Variants in ARHGEF19 observed in about 807,000 individuals in gnomAD.
The protein encoded by ARHGEF19 is Rho guanine nucleotide exchange factor (GEF) 19.
A neutral mutation model predicts 87.6 loss-of-function variants in ARHGEF19; 92 were observed. The ratio of observed to expected loss-of-function variants is 1.05; its 90% CI spans 0.89 to 1.25. The LOEUF (loss-of-function observed/expected upper bound fraction) is 1.25, where lower values mean the gene tolerates loss of function less well. Among genes scored for constraint, ARHGEF19 ranks in the 50% most tolerant of loss-of-function variants. ARHGEF19 has a pLI of 0.00. For missense variants in ARHGEF19, 1,054 were observed against 1,051.8 expected, an observed-to-expected ratio of 1.00 and a Z score of -0.03; for synonymous variants, 438 against 446.2, an observed-to-expected ratio of 0.98 and a Z score of 0.23.
rs141303748 is a variant in ARHGEF19 at position 16,205,949 on chromosome 1, C to T, written c.1433G>A (p.Arg478His). 10 of 1,610,088 alleles carry T rather than the reference C, an allele frequency of 6.2e-6. No individual in the cohort carries two copies. Among genetic ancestry groups the T allele is most frequent in the East Asian group, 2.2e-5 (1 of 44,784 alleles). ...PYVTNQAYQE[R>H]TYQRLLLENP... Reference sequence around the variant, plus strand: ...GCCCTACAGCAGGCGCTGGTAGGTGCGCTCCTGGTAGGCCTGGTTGGTGAC... The same window carrying T: ...GCCCTACAGCAGGCGCTGGTAGGTGTGCTCCTGGTAGGCCTGGTTGGTGAC... Residue 478 changes from arginine (R) to histidine (H), a missense_variant, in exon 8 of 16, where the codon CGC becomes CAC. By Grantham distance (29) the Arg-to-His change is conservative. Transcript: ENST00000270747. This position sits in a 1 kb window ranked among gnomAD's most constrained non-coding sequence, Gnocchi z 5.8.
chr1:16,207,135 G>A lies in ARHGEF19; in HGVS notation c.950C>T (p.Pro317Leu). 2 of 1,525,868 alleles carry A rather than the reference G, an allele frequency of 1.3e-6. No homozygotes were observed. The highest frequency in any genetic ancestry group is 8.8e-7 in the Non-Finnish European group (1 of 1,140,240). The allele number at this position is 1,525,868 out of a possible 1,614,324, so 94.5% of individuals were successfully genotyped here. Residue 317 changes from proline to leucine, a missense_variant, in exon 6 of 16, where the codon CCG becomes CTG. Coordinates refer to ENST00000270747, the MANE Select transcript of ARHGEF19 (RefSeq NM_153213.5). This position sits in a 1 kb window ranked among gnomAD's most constrained non-coding sequence, Gnocchi z 4.0. ...CTCTGCGCCCTCGGCCTCGTCCCCC[G>A]GGCCCTCCTCCTCGCGCTGCTGCCG... The part of the protein sequence containing the change: ...LRRQQREEEG[P>L]GDEAEGAEEG...
At chr1:16,202,622 T>C (rs221039) in intron 12 of ARHGEF19, 48 bp from the exon 13 acceptor site, 414,797 of 1,584,626 alleles carry the variant, frequency 0.26, 57,366 homozygotes, top group Admixed American at 0.43. Flanking sequence ...GCCCTGGCTC[T>C]AGGCACCCAC....
rs2081141275 is a variant in ARHGEF19 at position 16,206,821 on chromosome 1, C to G, written c.1137+127G>C. 1 of 1,222,210 alleles carries G rather than the reference C, an allele frequency of 8.2e-7. No individual in the cohort carries two copies. The highest frequency in any genetic ancestry group is 1.8e-5 in the South Asian group (1 of 55,244). The allele number at this position is 1,222,210 out of a possible 1,614,324, so 75.7% of individuals were successfully genotyped here. A position where few individuals can be genotyped will look rare whatever the true frequency, so the allele number is the denominator to read the frequency against. ...GTCAGGTCCTAGAGCCAACCTTCCG[C>G]GCGGACAGTCGCGCCAGCAACCCCC... is the stretch of plus-strand genomic sequence containing the variant. On this transcript the variant is annotated intron_variant, in intron 6 of 15. Coordinates refer to ENST00000270747, the MANE Select transcript of ARHGEF19 (RefSeq NM_153213.5). This position sits in a 1 kb window ranked among gnomAD's most constrained non-coding sequence, Gnocchi z 4.6.
chr1:16,204,965 G>C, intron 11 of ARHGEF19, 46 bp from the exon 12 acceptor site: 1 of 1,575,464 alleles, frequency 6.3e-7, no homozygotes, highest in Non-Finnish European at 8.6e-7. Context: ...GCACCAGGCA[G>C]AGAGCACAAG....
In ARHGEF19 at chr1:16,205,941, G is replaced by A. The variant is rs1220582781; in HGVS notation, c.1441C>T (p.Gln481Ter). The change falls in exon 8 of 16, where the codon CAG becomes TAG. Residue 481 changes from glutamine to a stop codon, truncating the protein, a stop_gained. Coordinates refer to ENST00000270747, the MANE Select transcript of ARHGEF19 (RefSeq NM_153213.5). LOFTEE classifies it high-confidence loss of function. This position sits in a 1 kb window ranked among gnomAD's most constrained non-coding sequence, Gnocchi z 5.8. ...AGCCCCCAGCCCTACAGCAGGCGCT[G>A]GTAGGTGCGCTCCTGGTAGGCCTGG... ...TNQAYQERTY[Q>*]RLLLENPRFP... 1 of 1,609,222 alleles carries A rather than the reference G, an allele frequency of 6.2e-7. No individual in the cohort carries two copies. Among genetic ancestry groups the A allele is most frequent in the South Asian group, 1.1e-5 (1 of 90,158 alleles).
chr1:16,202,387 T>A (rs1224306530), intron 13 of ARHGEF19, 29 bp downstream of exon 13: 3 of 1,576,570 alleles, frequency 1.9e-6, no homozygotes, highest in Non-Finnish European at 2.6e-6. Context: ...AGGGGGAGCC[T>A]CCTCTCTCCC....
rs1356362016 is a variant in ARHGEF19 at position 16,202,433 on chromosome 1, C to T, written c.2049G>A (p.Leu683=). 6.2e-7 allele frequency: 1 copy of T among 1,613,764 alleles called. No individual in the cohort carries two copies. The highest frequency in any genetic ancestry group is 8.5e-7 in the Non-Finnish European group (1 of 1,179,892). The part of the protein sequence containing the change: ...LHGQHMKHQF[L]LRARTESEKQ... ...CCACTCACTCCGTCCGGGCCCGCAGCAGGAACTGGTGCTTCATGTGCTGCC... is the reference window on the plus strand; with the variant it reads ...CCACTCACTCCGTCCGGGCCCGCAGTAGGAACTGGTGCTTCATGTGCTGCC... The change falls in exon 13 of 16, where the codon CTG becomes CTA. Residue 683 remains leucine, a synonymous_variant. Coordinates refer to ENST00000270747, the MANE Select transcript of ARHGEF19 (RefSeq NM_153213.5).
At position 16,208,826 on chromosome 1, in the gene ARHGEF19, GCAA is replaced by G; in HGVS notation, c.226_228del (p.Leu77del). 1 of 1,612,890 alleles carries G rather than the reference GCAA, an allele frequency of 6.2e-7. No homozygotes were observed. ...GAGCCTCCTGGGGATAATGGCCATAGCAACCCTTGGAGAGGGGCAGGGGTCCCC... is the reference window on the plus strand; with the variant it reads ...GAGCCTCCTGGGGATAATGGCCATAGCCCTTGGAGAGGGGCAGGGGTCCCC... On this transcript the variant is annotated inframe_deletion, in exon 2 of 16. Transcript: ENST00000270747.
At chr1:16,210,839 C>G (rs1382706564) in intron 1 of ARHGEF19, among the ~76,000 whole-genome samples, 1 of 152,164 alleles carries the variant, frequency 6.6e-6, no homozygotes, top group Admixed American at 6.5e-5. Context: ...AGAGGGAAAG[C>G]CTTGGCCTGA....
Position 16,205,414 on chromosome 1 carries a change from C to G in ARHGEF19, c.1593G>C (p.Lys531Asn). 1 of 1,611,366 alleles carries G rather than the reference C, an allele frequency of 6.2e-7. No individual in the cohort carries two copies. Among genetic ancestry groups the G allele is most frequent in the Non-Finnish European group, 8.5e-7 (1 of 1,178,696 alleles). ...CGTCTTCAGAGCCCTGTGCTGTCCG[C>G]TTCAGGATGTTCTGGAAGGTGGGAT... Reference protein sequence around the residue: ...RLKMLVENILKRTAQGSEDED... With the variant: ...RLKMLVENILNRTAQGSEDED... The change falls in exon 10 of 16, where the codon AAG (lysine) becomes AAC (asparagine). Residue 531 changes from lysine to asparagine, a missense_variant. By Grantham distance (94) the Lys-to-Asn change is moderately conservative (BLOSUM62 0). Transcript: ENST00000270747. The surrounding 1 kb of genome is among the most constrained non-coding windows in gnomAD (Gnocchi z 5.8).
In ARHGEF19 at chr1:16,207,959, C is replaced by G. The variant is rs752686937; in HGVS notation, c.679G>C (p.Gly227Arg). The change falls in exon 3 of 16, where the codon GGA becomes CGA. Residue 227 changes from glycine to arginine, a missense_variant. Coordinates refer to ENST00000270747, the MANE Select transcript of ARHGEF19 (RefSeq NM_153213.5). The surrounding 1 kb of genome is among the most constrained non-coding windows in gnomAD (Gnocchi z 4.0). Reference sequence around the variant, plus strand: ...GAGCTGGTACCTTCCCGGGCTGCTCCGGTGCCTGACCCAGAGATGAGTGCC... The same window carrying G: ...GAGCTGGTACCTTCCCGGGCTGCTCGGGTGCCTGACCCAGAGATGAGTGCC... ...ARALISGSGTGAAREGKASGM... is the reference protein window; with the variant it reads ...ARALISGSGTRAAREGKASGM... 2 of 1,610,032 alleles carry G rather than the reference C, an allele frequency of 1.2e-6. No individual in the cohort carries two copies. Among genetic ancestry groups the G allele is most frequent in the Admixed American group, 1.7e-5 (1 of 59,944 alleles).
Position 16,207,049 on chromosome 1 carries a change from A to C in ARHGEF19, c.1036T>G (p.Ser346Ala). 6.6e-7 allele frequency: 1 copy of C among 1,508,062 alleles called. No homozygotes were observed. The highest frequency in any genetic ancestry group is 8.8e-7 in the Non-Finnish European group (1 of 1,131,210). The allele number at this position is 1,508,062 out of a possible 1,614,324, so 93.4% of individuals were successfully genotyped here. ...SPSSSFRAQR[S>A]ARGSTFSLWQ... ...AGCGAGAAGGTGGAGCCTCGCGCCG[A>C]GCGCTGCGCCCGGAAGGAGCTGCTG... Residue 346 changes from serine to alanine, a missense_variant, in exon 6 of 16, where the codon TCG becomes GCG. Transcript: ENST00000270747. The surrounding 1 kb of genome is among the most constrained non-coding windows in gnomAD (Gnocchi z 4.0).
In ARHGEF19 at chr1:16,205,988, A is replaced by T; in HGVS notation, c.1394T>A (p.Val465Asp). ...VLDHCPAFRR[V>D]YLPYVTNQAY... is the part of the protein sequence containing the mutation. ...CTGGTTGGTGACATAGGGCAGGTAG[A>T]CTCTGCGGAAGGCCGGGCAGTGGTC... Residue 465 changes from valine to aspartate, a missense_variant, in exon 8 of 16, where the codon GTC becomes GAC. Transcript: ENST00000270747. This position sits in a 1 kb window ranked among gnomAD's most constrained non-coding sequence, Gnocchi z 5.8. 2 of 1,610,818 alleles carry T rather than the reference A, an allele frequency of 1.2e-6. No individual in the cohort carries two copies. Among genetic ancestry groups the T allele is most frequent in the Non-Finnish European group, 1.7e-6 (2 of 1,178,662 alleles).
rs1356492670 is a variant in ARHGEF19 at position 16,198,547 on chromosome 1, A to G, written c.*40T>C. On this transcript the variant is annotated 3_prime_UTR_variant, in exon 16 of 16. Coordinates refer to ENST00000270747, the MANE Select transcript of ARHGEF19 (RefSeq NM_153213.5). The surrounding 1 kb of genome is among the most constrained non-coding windows in gnomAD (Gnocchi z 4.1). ...GCAGGCCCCTCCAGGACCATCCAGG[A>G]GCCAGGCATGGAGGTGGGGTCCTAG... 6.4e-7 allele frequency: 1 copy of G among 1,563,302 alleles called. No individual in the cohort carries two copies. Among genetic ancestry groups the G allele is most frequent in the Non-Finnish European group, 8.7e-7 (1 of 1,153,160 alleles).
intron 12 of ARHGEF19, among the ~76,000 whole-genome samples, chr1:16,203,217 A>C (rs1366246244): frequency 3.3e-5 from 5 of 150,348 alleles, no homozygotes; most frequent in African/African-American, 1.2e-4. Flanking sequence ...AACTCATTCA[A>C]CAAAACTCGG....
intron 1 of ARHGEF19, among the ~76,000 whole-genome samples, chr1:16,211,715 A>G (rs2081198210): frequency 6.6e-6 from 1 of 152,158 alleles, no homozygotes; most frequent in Non-Finnish European, 1.5e-5. Context: ...GGCCCACCCA[A>G]CCTCAATGCT....
intron 12 of ARHGEF19, among the ~76,000 whole-genome samples, chr1:16,202,874 C>T (rs221041): frequency 0.25 from 36,928 of 150,260 alleles, 4,809 homozygotes; most frequent in South Asian, 0.39. Context: ...AGTTTTTTGG[C>T]TTTTTGTTTT....
intron 12 of ARHGEF19, 77 bp from the exon 13 acceptor site, chr1:16,202,651 T>G: frequency 7.1e-6 from 11 of 1,547,364 alleles, no homozygotes; most frequent in Non-Finnish European, 9.6e-6. Flanking sequence ...TCAGGTGGGT[T>G]CTGACTGGAA....
chr1:16,205,238 C>CA lies in ARHGEF19; in HGVS notation c.1657-63dup, dbSNP rs1230755026. 3.1e-6 allele frequency: 5 copies of CA among 1,596,014 alleles called. No individual in the cohort carries two copies. Among genetic ancestry groups the CA allele is most frequent in the Non-Finnish European group, 4.3e-6 (5 of 1,169,564 alleles). ...AGCTCCGGCTCCCAGAGCCCAGCCTCAGACTCTTGCCTGGGGACCGGAGAC... is the reference window on the plus strand; with the variant it reads ...AGCTCCGGCTCCCAGAGCCCAGCCTCAAGACTCTTGCCTGGGGACCGGAGAC... On this transcript the variant is annotated intron_variant, in intron 10 of 15. Transcript: ENST00000270747. This position sits in a 1 kb window ranked among gnomAD's most constrained non-coding sequence, Gnocchi z 5.8.
Sources: gnomAD v4.1 joint callset for allele counts (sites outside exome capture counted in the v4.1 genomes callset) on GRCh38, gnomAD v4.1.1 for gene constraint, Gnocchi (gnomAD v3.1) non-coding constraint, MANE v1.5 for transcripts, NCBI Gene and HGNC (gene_info 2026-07-23, HGNC 2026-07-21) for gene names.